IKBKB: variants seen among roughly 807,000 people sequenced by gnomAD.
IKBKB encodes inhibitor of nuclear factor kappa B kinase subunit beta, also known as inhibitor of nuclear factor kappa-B kinase subunit beta.
IKBKB carries 42 observed loss-of-function variants against 113.6 expected under a neutral mutation model. The ratio of observed to expected loss-of-function variants is 0.37; its 90% CI spans 0.29 to 0.48. The LOEUF is 0.48. Among genes scored for constraint, IKBKB ranks in the 20% least tolerant of loss-of-function variants. IKBKB has a pLI of 0.99. For missense variants in IKBKB, 673 were observed against 939.7 expected (o/e 0.72, Z 3.71); for synonymous variants, 296 against 361.3 (o/e 0.82, Z 2.05).
chr8:42,317,193 C>T, intron 11 of IKBKB: 1 of 475,044 alleles, frequency 2.1e-6, no homozygotes, highest in East Asian at 3.9e-5. Context: ...CCTGCTTGGC[C>T]CTCTTCCAAG....
At chr8:42,298,768 A>G (rs1814465149) in intron 5 of IKBKB, among the ~76,000 whole-genome samples, 1 of 151,996 alleles carries the variant, frequency 6.6e-6, no homozygotes, top group South Asian at 2.1e-4. Flanking sequence ...AGTGCTCTCT[A>G]GGGCCCCGTC....
At chr8:42,292,538 C>T (rs1812864093) in intron 4 of IKBKB, among the ~76,000 whole-genome samples, 1 of 152,206 alleles carries the variant, frequency 6.6e-6, no homozygotes, top group Non-Finnish European at 1.5e-5. Flanking sequence ...CACCCGTGGG[C>T]ATGGAGAGGC....
At position 42,316,465 on chromosome 8, in the gene IKBKB, T is replaced by G; in HGVS notation, c.930+126T>G. 8.7e-7 allele frequency: 1 copy of G among 1,144,300 alleles called. No homozygotes were observed. Among genetic ancestry groups the G allele is most frequent in the Non-Finnish European group, 1.2e-6 (1 of 807,580 alleles). 70.9% of individuals were successfully genotyped at this position (1,144,300 alleles called of 1,614,324 possible). A position where few individuals can be genotyped will look rare whatever the true frequency, so the allele number is the denominator to read the frequency against. On this transcript the variant is annotated intron_variant, in intron 10 of 21. Transcript: ENST00000520810. The surrounding 1 kb of genome is among the most constrained non-coding windows in gnomAD (Gnocchi z 4.5). ...GAGGAAATTTAGGCTCCTGCATCAG[T>G]CTTTCTGCATAAGTAAAGAAAGGAC...
intron 4 of IKBKB, 126 bp downstream of exon 4, chr8:42,290,399 G>A (rs1258275010): frequency 1.4e-6 from 1 of 691,796 alleles, no homozygotes; most frequent in African/African-American, 1.8e-5. Flanking sequence ...GACTCCAGCA[G>A]GGCTGCTTTG....
At chr8:42,298,424 C>T in intron 5 of IKBKB, 1 of 985,404 alleles carries the variant, frequency 1.0e-6, no homozygotes. Context: ...CGTTAAAGAA[C>T]AGAGGGTTTC....
intron 1 of IKBKB, chr8:42,271,783 C>A: frequency 7.8e-6 from 4 of 510,646 alleles, no homozygotes; most frequent in Non-Finnish European, 1.4e-5. Flanking sequence ...GGCCCGGGCG[C>A]CCCTGGTGGA....
intron 16 of IKBKB, 94 bp from the exon 17 acceptor site, chr8:42,321,801 TG>T: frequency 1.2e-6 from 1 of 847,908 alleles, no homozygotes; most frequent in Non-Finnish European, 1.8e-6. Flanking sequence ...GAGACCAGCC[TG>T]GGCAACATGG....
chr8:42,303,090 A>AGAGAGAG (rs1815668991), intron 5 of IKBKB, among the ~76,000 whole-genome samples: 17 of 101,146 alleles, frequency 1.7e-4, no homozygotes, highest in African/African-American at 6.4e-4. Context: ...AGAGAGAGAG[A>AGAGAGAG]ATGAGAGAGA....
chr8:42,307,220 A>T (rs748350414), intron 7 of IKBKB, among the ~76,000 whole-genome samples: 85 of 152,238 alleles, frequency 5.6e-4, no homozygotes, highest in Non-Finnish European at 9.7e-4. Flanking sequence ...GGCAGGGGGA[A>T]TTCCGTGCAA....
At chr8:42,322,318 C>T (rs1276866297) in intron 18 of IKBKB, 29 bp from the exon 19 acceptor site, 1 of 1,613,326 alleles carries the variant, frequency 6.2e-7, no homozygotes, top group East Asian at 2.2e-5. Context: ...GCCCAAATGC[C>T]ATTAGTTTGC....
intron 8 of IKBKB, among the ~76,000 whole-genome samples, chr8:42,310,389 A>G (rs566400522): frequency 6.6e-6 from 1 of 152,314 alleles, no homozygotes; most frequent in South Asian, 2.1e-4. Flanking sequence ...CATATCTTCC[A>G]AGGTGTTCGT....
At chr8:42,319,925 A>T in intron 15 of IKBKB, 1 of 372,944 alleles carries the variant, frequency 2.7e-6, no homozygotes, top group Non-Finnish European at 4.8e-6. Flanking sequence ...AGCCAAGACC[A>T]TTTCCTGTTA....
rs142087869 is a variant in IKBKB at position 42,315,389 on chromosome 8, A to G, written c.801-821A>G. Among the ~76,000 whole-genome samples, 7 of 152,312 alleles carry G rather than the reference A, an allele frequency of 4.6e-5. No homozygotes were observed. The East Asian group carries it at 1.3e-3, about 29-fold the overall frequency. On this transcript the variant is annotated intron_variant, in intron 9 of 21. Coordinates refer to ENST00000520810, the MANE Select transcript of IKBKB (RefSeq NM_001556.3). ...AGACAGATGTACAGGACATGGATAG[A>G]TGAAGAGAAAGGAGGAAGGAAATTC...
At position 42,274,788 on chromosome 8, in the gene IKBKB, C is replaced by T. The variant is rs1443795657; in HGVS notation, c.105+2583C>T. ...ACTTAGGTGATCCCCGCCGGCGCGC[C>T]CCCCCCCCCCCCCGCCATCCCAGCC... On this transcript the variant is annotated intron_variant, in intron 2 of 21. Coordinates refer to ENST00000520810, the MANE Select transcript of IKBKB (RefSeq NM_001556.3). 2.5e-4 allele frequency among the ~76,000 whole-genome samples: 6 copies of T among 23,698 alleles called. No homozygotes were observed. In the African/African-American group the frequency reaches 2.7e-3, roughly 11 times the overall value. 15.5% of individuals were successfully genotyped at this position (23,698 alleles called of 152,430 possible).
intron 5 of IKBKB, chr8:42,297,980 C>A: frequency 2.1e-6 from 1 of 478,662 alleles, no homozygotes; most frequent in Non-Finnish European, 2.7e-6. Context: ...TTCTGCCAGA[C>A]CATCACTCCA....
At chr8:42,300,915 C>A (rs1356849539) in intron 5 of IKBKB, among the ~76,000 whole-genome samples, 2 of 152,190 alleles carry the variant, frequency 1.3e-5, no homozygotes, top group Non-Finnish European at 2.9e-5. Context: ...AGTGCAGTGG[C>A]ACGATCATGT....
At chr8:42,330,022 C>G (rs1821481828) in intron 21 of IKBKB, 1 of 985,342 alleles carries the variant, frequency 1.0e-6, no homozygotes, top group Non-Finnish European at 1.2e-6. Context: ...TGCTGCTCTC[C>G]TCCTCCTGGC....
intron 5 of IKBKB, among the ~76,000 whole-genome samples, chr8:42,303,072 AGAGAGAGAGAGAGAGAGAAT>A (rs1477921569): frequency 5.5e-5 from 8 of 146,658 alleles, no homozygotes; most frequent in African/African-American, 1.3e-4. Context: ...AGAGAGAGAG[AGAGAGAGAGAGAGAGAGAAT>A]GAGAGAGAGA....
chr8:42,312,165 C>T (rs1016943520), intron 8 of IKBKB, among the ~76,000 whole-genome samples: 1 of 152,220 alleles, frequency 6.6e-6, no homozygotes, highest in Non-Finnish European at 1.5e-5. Context: ...GGATTACAGG[C>T]GTGAGCCACC....
Sources: gnomAD v4.1 joint callset for allele counts (sites outside exome capture counted in the v4.1 genomes callset) on GRCh38, gnomAD v4.1.1 for gene constraint, Gnocchi (gnomAD v3.1) non-coding constraint, MANE v1.5 for transcripts, NCBI Gene and HGNC (gene_info 2026-07-23, HGNC 2026-07-21) for gene names.